Variants in PIWIL2 observed in about 807,000 individuals in gnomAD.
The protein encoded by PIWIL2 is piwi like RNA-mediated gene silencing 2.
In PIWIL2, 81 loss-of-function variants were observed where a neutral mutation model predicts 116.5. That is an observed-to-expected ratio of 0.70 (90% confidence interval 0.58 to 0.84). The LOEUF (loss-of-function observed/expected upper bound fraction) is 0.84, where lower values mean the gene tolerates loss of function less well. Ranked by LOEUF, PIWIL2 falls within the 40% of genes least tolerant of loss-of-function variation. The pLI, the probability that PIWIL2 is intolerant of heterozygous loss-of-function variation, is 0.00. For synonymous variants in PIWIL2, 489 were observed against 429.5 expected (o/e 1.14, Z -1.71); for missense variants, 1,272 against 1,212.3 (o/e 1.05, Z -0.73).
chr8:22,351,818 C>T (rs1469026753), intron 20 of PIWIL2, among the ~76,000 whole-genome samples: 1 of 151,452 alleles, frequency 6.6e-6, no homozygotes, highest in Non-Finnish European at 1.5e-5. Context: ...GGATTACAGG[C>T]GTGACCCACC....
At chr8:22,279,933 G>A (rs1459381781) in intron 2 of PIWIL2, among the ~76,000 whole-genome samples, 1 of 152,180 alleles carries the variant, frequency 6.6e-6, no homozygotes, top group Non-Finnish European at 1.5e-5. Flanking sequence ...CTCCAGCCTG[G>A]GCAACAGAGC....
rs115559083 is a variant in PIWIL2 at position 22,313,462 on chromosome 8, T to C, written c.1990-866T>C. Among the ~76,000 whole-genome samples, 716 of 152,328 alleles carry C rather than the reference T, an allele frequency of 4.7e-3. 7 individuals carry two copies. The highest frequency in any genetic ancestry group is 0.016 in the African/African-American group (678 of 41,574). The stretch of plus-strand genomic sequence containing the variant: ...GTTAATTTAAACAAACATAAACACT[T>C]TTAAGTCATTGTAGGGCCTGAAAAA... On this transcript the variant is annotated intron_variant, in intron 16 of 22. Transcript: ENST00000356766.
chr8:22,340,257 G>A (rs1387555365), intron 20 of PIWIL2, among the ~76,000 whole-genome samples: 3 of 151,766 alleles, frequency 2.0e-5, no homozygotes, highest in Admixed American at 6.6e-5. Context: ...GGGTTTCTCC[G>A]TGATGGTCAG....
In PIWIL2 at chr8:22,334,724, G is replaced by A. The variant is rs529675294; in HGVS notation, c.2403+16449G>A. ...GCCTCCCAAAGCACTGGGATTACAG[G>A]TATAAGCTACTGTGCCTGGCAAGAT... is the stretch of plus-strand genomic sequence containing the variant. On this transcript the variant is annotated intron_variant, in intron 20 of 22. Coordinates refer to ENST00000356766, the MANE Select transcript of PIWIL2 (RefSeq NM_018068.5). Among the ~76,000 whole-genome samples the A allele has an allele frequency of 3.3e-5, 5 of 152,056 alleles. No individual in the cohort carries two copies. The South Asian group carries it at 6.2e-4, about 19-fold the overall frequency.
rs542516480 is a variant in PIWIL2 at position 22,351,525 on chromosome 8, GTT to G, written c.2404-1425_2404-1424del. On this transcript the variant is annotated intron_variant, in intron 20 of 22. Coordinates refer to ENST00000356766, the MANE Select transcript of PIWIL2 (RefSeq NM_018068.5). The stretch of plus-strand genomic sequence containing the variant: ...AATTCATAATTTAGGTTTTTTTGGT[GTT>G]TTTTTTTTGTTTTTTTGTTTTTTGT... 3.1e-3 allele frequency among the ~76,000 whole-genome samples: 355 copies of G among 115,546 alleles called. 1 individual carries two copies. The highest frequency in any genetic ancestry group is 0.01 in the African/African-American group (341 of 32,640). 75.8% of individuals were successfully genotyped at this position (115,546 alleles called of 152,430 possible). A position where few individuals can be genotyped will look rare whatever the true frequency, so the allele number is the denominator to read the frequency against.
At chr8:22,318,840 T>C (rs1831529304) in intron 20 of PIWIL2, among the ~76,000 whole-genome samples, 1 of 152,252 alleles carries the variant, frequency 6.6e-6, no homozygotes, top group Non-Finnish European at 1.5e-5. Context: ...GTCAGCCTGA[T>C]GTCTCTAGAC....
chr8:22,335,593 G>C (rs975934431), intron 20 of PIWIL2, among the ~76,000 whole-genome samples: 2 of 145,694 alleles, frequency 1.4e-5, no homozygotes, highest in Non-Finnish European at 3.0e-5. Context: ...TGTTGCTCAG[G>C]CTGGAGTGCA....
At chr8:22,278,155 T>G in intron 1 of PIWIL2, among the ~76,000 whole-genome samples, 1 of 142,634 alleles carries the variant, frequency 7.0e-6, no homozygotes, top group Non-Finnish European at 1.5e-5. Flanking sequence ...GCAATAAGAG[T>G]GAAACTCCGT....
chr8:22,302,370 T>C (rs775194147), intron 10 of PIWIL2, among the ~76,000 whole-genome samples: 4 of 151,920 alleles, frequency 2.6e-5, no homozygotes, highest in Non-Finnish European at 4.4e-5. Context: ...TTAGTAGAAA[T>C]GGGTTTCATC....
At chr8:22,313,818 G>A (rs981294665) in intron 16 of PIWIL2, among the ~76,000 whole-genome samples, 1 of 152,204 alleles carries the variant, frequency 6.6e-6, no homozygotes, top group Admixed American at 6.5e-5. Context: ...CTTCACCAGA[G>A]TTAGGAGTGG....
intron 20 of PIWIL2, among the ~76,000 whole-genome samples, chr8:22,336,177 C>T (rs977586951): frequency 1.3e-5 from 2 of 152,098 alleles, no homozygotes; most frequent in African/African-American, 4.8e-5. Flanking sequence ...AACACTCCAC[C>T]CAGCAACCAC....
intron 20 of PIWIL2, among the ~76,000 whole-genome samples, chr8:22,338,655 G>A (rs1303380657): frequency 6.6e-6 from 1 of 151,788 alleles, no homozygotes; most frequent in Non-Finnish European, 1.5e-5. Context: ...TCACGTCACT[G>A]CACTCCAGCC....
Position 22,355,498 on chromosome 8 carries a change from T to A in PIWIL2, c.2915T>A (p.Phe972Tyr). The change falls in exon 23 of 23, where the codon TTC (phenylalanine) becomes TAC (tyrosine). Residue 972 changes from phenylalanine to tyrosine, a missense_variant. Transcript: ENST00000356766. ...ATCCAGCTGTGCGAGAACCTGTTCT[T>A]CCTGTGACTGCACAGCTTGGAGATG... ...PAIQLCENLF[F>Y]L The A allele has an allele frequency of 6.2e-7, 1 of 1,613,962 alleles. No homozygotes were observed. The highest frequency in any genetic ancestry group is 1.1e-5 in the South Asian group (1 of 91,048).
chr8:22,295,992 A>G (rs1830891458), intron 10 of PIWIL2, among the ~76,000 whole-genome samples: 1 of 145,004 alleles, frequency 6.9e-6, no homozygotes, highest in Non-Finnish European at 1.5e-5. Flanking sequence ...TGGCTGAACC[A>G]TCACTGTCTT....
chr8:22,330,737 TAAATA>T (rs1341522300), intron 20 of PIWIL2, among the ~76,000 whole-genome samples: 27 of 141,990 alleles, frequency 1.9e-4, no homozygotes, highest in African/African-American at 8.0e-4. Context: ...AATAAATAAA[TAAATA>T]AAAATAGTTG....
At chr8:22,329,722 A>G (rs1831814668) in intron 20 of PIWIL2, among the ~76,000 whole-genome samples, 1 of 152,228 alleles carries the variant, frequency 6.6e-6, no homozygotes, top group African/African-American at 2.4e-5. Context: ...TTGTTCCTGT[A>G]TAGTTCTATT....
chr8:22,285,897 G>A (rs192521985), intron 6 of PIWIL2, among the ~76,000 whole-genome samples: 32 of 152,010 alleles, frequency 2.1e-4, no homozygotes, highest in African/African-American at 7.2e-4. Context: ...CACCTGCCTC[G>A]GCCTCCCAAA....
Position 22,349,415 on chromosome 8 carries a change from GTGTGTATATATATATA to G in PIWIL2, c.2404-3542_2404-3527del, listed in dbSNP as rs1393966334. 3.0e-5 allele frequency among the ~76,000 whole-genome samples: 4 copies of G among 134,946 alleles called. No individual in the cohort carries two copies. In the East Asian group the frequency reaches 6.7e-4, roughly 23 times the overall value. 88.5% of individuals were successfully genotyped at this position (134,946 alleles called of 152,430 possible). A position where few individuals can be genotyped will look rare whatever the true frequency, so the allele number is the denominator to read the frequency against. On this transcript the variant is annotated intron_variant, in intron 20 of 22. Transcript: ENST00000356766. ...CAACTTTTGTGTACAATATATGTGTGTGTGTATATATATATATATATATATATATAAATTTTACTTT... is the reference window on the plus strand; with the variant it reads ...CAACTTTTGTGTACAATATATGTGTGTATATATATATATAAATTTTACTTT...
intron 10 of PIWIL2, among the ~76,000 whole-genome samples, chr8:22,296,539 T>C (rs1296865677): frequency 6.6e-6 from 1 of 152,262 alleles, no homozygotes; most frequent in African/African-American, 2.4e-5. Flanking sequence ...TCTAGTTTGA[T>C]TGGGTGTATA....
Sources: allele counts gnomAD v4.1 joint callset (sites outside exome capture counted in the v4.1 genomes callset), GRCh38; gene constraint gnomAD v4.1.1; transcripts MANE v1.5; gene names NCBI Gene and HGNC (gene_info 2026-07-23, HGNC 2026-07-21).